Variants in ITPR2 observed in about 807,000 individuals in gnomAD.
ITPR2 encodes inositol 1,4,5-trisphosphate receptor type 2.
In ITPR2, 207 loss-of-function variants were observed where a neutral mutation model predicts 317.1. That is an observed-to-expected ratio of 0.65 (90% CI 0.58 to 0.73). ITPR2 has a LOEUF of 0.73. Among genes scored for constraint, ITPR2 ranks in the 30% least tolerant of loss-of-function variants. The pLI is 0.00. For missense variants in ITPR2, 2,613 were observed against 3,284.0 expected (o/e 0.80, Z 4.99); for synonymous variants, 1,156 against 1,149.1 (o/e 1.01, Z -0.12).
intron 21 of ITPR2, among the ~76,000 whole-genome samples, chr12:26,639,924 T>C (rs926984478): frequency 1.3e-5 from 2 of 152,172 alleles, no homozygotes; most frequent in Admixed American, 1.3e-4. Flanking sequence ...AGTGCCACAA[T>C]AAACATACAT....
intron 6 of ITPR2, 65 bp from the exon 7 acceptor site, chr12:26,715,900 G>T: frequency 8.8e-7 from 1 of 1,134,108 alleles, no homozygotes; most frequent in Non-Finnish European, 1.3e-6. Context: ...GAAATTATTA[G>T]TTCAACTAGT....
intron 37 of ITPR2, among the ~76,000 whole-genome samples, chr12:26,507,849 T>TTC (rs765290686): frequency 9.5e-5 from 11 of 115,422 alleles, no homozygotes; most frequent in South Asian, 6.1e-4. Flanking sequence ...CTCTCTACTC[T>TTC]TCTCTCTCTG....
chr12:26,419,019 C>A (rs1296238214), intron 50 of ITPR2, 30 bp downstream of exon 50: 2 of 1,571,900 alleles, frequency 1.3e-6, no homozygotes, highest in Non-Finnish European at 1.7e-6. Flanking sequence ...ACTTTTTCAG[C>A]AGTGATTGTC....
At chr12:26,516,300 A>T (rs796599878) in intron 37 of ITPR2, among the ~76,000 whole-genome samples, 1 of 67,398 alleles carries the variant, frequency 1.5e-5, no homozygotes, top group African/African-American at 4.8e-5. Flanking sequence ...AGGAAAGGAA[A>T]GGAAAGGAAA....
chr12:26,721,157 T>C (rs1473816253), intron 5 of ITPR2: 1 of 415,746 alleles, frequency 2.4e-6, no homozygotes, highest in East Asian at 3.4e-5. Context: ...AAAATGTGTA[T>C]CATGCTCACA....
At chr12:26,512,858 C>T (rs1451813554) in intron 37 of ITPR2, among the ~76,000 whole-genome samples, 2 of 149,318 alleles carry the variant, frequency 1.3e-5, no homozygotes, top group African/African-American at 5.0e-5. Context: ...AGTTTTGCTC[C>T]GTCACCCAGG....
At chr12:26,714,203 C>T (rs982128361) in intron 8 of ITPR2, among the ~76,000 whole-genome samples, 1 of 152,186 alleles carries the variant, frequency 6.6e-6, no homozygotes, top group African/African-American at 2.4e-5. Context: ...TTCTGCATCT[C>T]GTCGGTAATT....
At chr12:26,364,921 C>T (rs1475177124) in intron 55 of ITPR2, among the ~76,000 whole-genome samples, 1 of 152,220 alleles carries the variant, frequency 6.6e-6, no homozygotes, top group Non-Finnish European at 1.5e-5. Flanking sequence ...GTCTGGAGCA[C>T]TGTCCTGAGA....
At chr12:26,414,499 A>G (rs1940659075) in intron 51 of ITPR2, among the ~76,000 whole-genome samples, 1 of 152,168 alleles carries the variant, frequency 6.6e-6, no homozygotes, top group Non-Finnish European at 1.5e-5. Flanking sequence ...AATCACCCAG[A>G]GAAACCATTA....
At chr12:26,430,856 T>G (rs908500293) in intron 48 of ITPR2, among the ~76,000 whole-genome samples, 1 of 152,164 alleles carries the variant, frequency 6.6e-6, no homozygotes, top group Non-Finnish European at 1.5e-5. Context: ...GTACAGAACA[T>G]GCTGCTTCTT....
intron 26 of ITPR2, among the ~76,000 whole-genome samples, chr12:26,608,525 C>T (rs1175001830): frequency 6.9e-6 from 1 of 144,220 alleles, no homozygotes; most frequent in Admixed American, 6.9e-5. Context: ...TCTGCTTGGC[C>T]GCCCCACTCG....
rs574866974 is a variant in ITPR2 at position 26,631,880 on chromosome 12, T to C, written c.2920A>G (p.Ile974Val). 2.0e-5 allele frequency: 33 copies of C among 1,613,040 alleles called. No homozygotes were observed. In the South Asian group the frequency reaches 3.3e-4, roughly 16 times the overall value. ...AGGCAACACACCTGCAAAATCTCAA[T>C]GATCTTCAGCTTGGTGTCCATCACA... ...VTVMDTKLKI[I>V]EILQFILSVR... is the part of the protein sequence containing the mutation. The change falls in exon 22 of 57, where the codon ATT becomes GTT. Residue 974 changes from isoleucine to valine, a missense_variant. Physicochemically the swap from Ile to Val is conservative, Grantham distance 29. Around this residue, in one of 9 missense-constraint regions of ITPR2, gnomAD observed 817 missense variants for 897.6 expected, o/e 0.91. Transcript: ENST00000381340.
chr12:26,525,387 A>G (rs1022205688), intron 37 of ITPR2, among the ~76,000 whole-genome samples: 8 of 152,314 alleles, frequency 5.3e-5, no homozygotes, highest in African/African-American at 1.9e-4. Flanking sequence ...ACATTTCAAA[A>G]GCGCTCACCT....
chr12:26,764,358 T>C (rs889437861), intron 2 of ITPR2, among the ~76,000 whole-genome samples: 27 of 152,176 alleles, frequency 1.8e-4, no homozygotes, highest in Non-Finnish European at 3.7e-4. Flanking sequence ...TAAGCTGGAC[T>C]TCATGAAATT....
chr12:26,494,092 G>T, intron 39 of ITPR2, 61 bp downstream of exon 39: 2 of 1,308,066 alleles, frequency 1.5e-6, no homozygotes, highest in Non-Finnish European at 1.1e-6. Flanking sequence ...CTTGGTTTCT[G>T]TGACAAGTAA....
intron 21 of ITPR2, among the ~76,000 whole-genome samples, chr12:26,635,693 T>C (rs1220898033): frequency 6.6e-6 from 1 of 152,234 alleles, no homozygotes; most frequent in African/African-American, 2.4e-5. Flanking sequence ...TGTTCAACCA[T>C]GAAGACATGA....
At chr12:26,770,900 C>T (rs1949827784) in intron 2 of ITPR2, among the ~76,000 whole-genome samples, 1 of 152,196 alleles carries the variant, frequency 6.6e-6, no homozygotes, top group Admixed American at 6.5e-5. Flanking sequence ...GCCATGTTCC[C>T]TCTGAAAGCT....
chr12:26,602,412 C>T lies in ITPR2; in HGVS notation c.3636G>A (p.Ala1212=), dbSNP rs372541484. The change falls in exon 28 of 57, where the codon GCG becomes GCA. Residue 1212 remains alanine, a synonymous_variant. Transcript: ENST00000381340. ...QHQRLLKNMG[A]HSVVLDLLQI... ...GCAGAAGATCCAACACCACCGAATG[C>T]GCCCCCATATTTTTCAGTAATCGTT... 141 of 1,613,586 alleles carry T rather than the reference C, an allele frequency of 8.7e-5. No homozygotes were observed. The highest frequency in any genetic ancestry group is 4.2e-4 in the East Asian group (19 of 44,868).
At chr12:26,624,397 T>A in intron 23 of ITPR2, 41 bp from the exon 24 acceptor site, 2 of 1,374,846 alleles carry the variant, frequency 1.5e-6, no homozygotes, top group Non-Finnish European at 2.0e-6. Context: ...TATCCTATTT[T>A]AATTAGGAGC....
Sources: gnomAD v4.1 joint callset for allele counts (sites outside exome capture counted in the v4.1 genomes callset) on GRCh38, gnomAD v4.1.1 for gene constraint, gnomAD v4.1.1 regional missense constraint, MANE v1.5 for transcripts, NCBI Gene and HGNC (gene_info 2026-07-23, HGNC 2026-07-21) for gene names.